The following BRD10 variants were observed in gnomAD, a reference collection of about 807,000 sequenced individuals.
The protein encoded by BRD10 is bromodomain containing 10.
the BRD10 span, among the ~76,000 whole-genome samples, chr9:5,973,338 A>G: frequency 6.6e-6 from 1 of 152,050 alleles, no homozygotes; most frequent in Admixed American, 6.5e-5. Flanking sequence ...GTAGTGGTAC[A>G]CGCCTGCAAT....
At chr9:5,923,694 T>C in the BRD10 span, among the ~76,000 whole-genome samples, 2 of 152,326 alleles carry the variant, frequency 1.3e-5, no homozygotes, top group Admixed American at 6.5e-5. Flanking sequence ...TAGGAACATT[T>C]TGATACCATA....
At chr9:6,000,458 T>C in the BRD10 span, among the ~76,000 whole-genome samples, 3 of 152,156 alleles carry the variant, frequency 2.0e-5, no homozygotes, top group African/African-American at 7.2e-5. Flanking sequence ...AATAAAACTA[T>C]GAAAGGGATG....
the BRD10 span, among the ~76,000 whole-genome samples, chr9:6,003,100 C>G: frequency 6.6e-6 from 1 of 152,082 alleles, no homozygotes; most frequent in Non-Finnish European, 1.5e-5. Flanking sequence ...CATACATGTA[C>G]CATTTTTTAA....
the BRD10 span, among the ~76,000 whole-genome samples, chr9:5,946,168 T>A: frequency 6.6e-6 from 1 of 152,028 alleles, no homozygotes; most frequent in Admixed American, 6.6e-5. Context: ...ATGCTTTTTA[T>A]CCACAAAAAT....
At chr9:6,007,681 G>C in the BRD10 span, 1 of 1,608,620 alleles carries the variant, frequency 6.2e-7, no homozygotes, top group Non-Finnish European at 8.5e-7. Flanking sequence ...TGAGGTCTGG[G>C]CCGCCGCTGC....
the BRD10 span, among the ~76,000 whole-genome samples, chr9:5,885,700 G>A: frequency 1.3e-5 from 2 of 152,158 alleles, no homozygotes; most frequent in African/African-American, 4.8e-5. Context: ...AATTCTCACA[G>A]CAATTCTGTA....
chr9:5,962,202 A>G, the BRD10 span, among the ~76,000 whole-genome samples: 16 of 151,710 alleles, frequency 1.1e-4, no homozygotes, highest in African/African-American at 3.9e-4. Flanking sequence ...TCAAATAGAC[A>G]CAATAAAAAA....
the BRD10 span, among the ~76,000 whole-genome samples, chr9:5,979,918 G>C: frequency 6.6e-6 from 1 of 150,886 alleles, no homozygotes; most frequent in African/African-American, 2.4e-5. Flanking sequence ...AGGAGGCTGA[G>C]GTGGGAGAAT....
chr9:5,949,506 G>A, the BRD10 span, among the ~76,000 whole-genome samples: 2 of 152,190 alleles, frequency 1.3e-5, no homozygotes, highest in South Asian at 2.1e-4. Flanking sequence ...TCAGAGGTAT[G>A]TTAAGGATCA....
the BRD10 span, chr9:5,954,092 T>A: frequency 6.5e-7 from 1 of 1,535,670 alleles, no homozygotes; most frequent in Non-Finnish European, 8.9e-7. Flanking sequence ...GACGGATTTT[T>A]TTCCTTTCAA....
the BRD10 span, among the ~76,000 whole-genome samples, chr9:5,997,616 T>G: frequency 6.6e-6 from 1 of 152,230 alleles, no homozygotes; most frequent in South Asian, 2.1e-4. Flanking sequence ...AATACACCAA[T>G]AATATATCAT....
the BRD10 span, among the ~76,000 whole-genome samples, chr9:5,988,895 T>C: frequency 6.6e-6 from 1 of 152,028 alleles, no homozygotes; most frequent in Non-Finnish European, 1.5e-5. Flanking sequence ...TACAGAAACA[T>C]TTGGAAAAAG....
the BRD10 span, among the ~76,000 whole-genome samples, chr9:5,973,228 A>G: frequency 6.6e-6 from 1 of 152,244 alleles, no homozygotes; most frequent in South Asian, 2.1e-4. Flanking sequence ...GCACTTTGGG[A>G]GGCCAAGGCA....
At chr9:5,883,647 A>G in the BRD10 span, among the ~76,000 whole-genome samples, 7 of 151,252 alleles carry the variant, frequency 4.6e-5, no homozygotes, top group African/African-American at 1.7e-4. Context: ...ATTTTTTTGT[A>G]CAGACAGGTT....
At chr9:5,890,013 G>C in the BRD10 span, among the ~76,000 whole-genome samples, 9 of 152,112 alleles carry the variant, frequency 5.9e-5, no homozygotes, top group African/African-American at 1.4e-4. Flanking sequence ...GGAGGTTTCA[G>C]GGATTTTTCT....
At chr9:6,000,520 G>C in the BRD10 span, among the ~76,000 whole-genome samples, 1 of 151,724 alleles carries the variant, frequency 6.6e-6, no homozygotes, top group Admixed American at 6.6e-5. Context: ...TGTTCTTCTG[G>C]GAAATAAAAA....
chr9:5,947,721 T>C, the BRD10 span, among the ~76,000 whole-genome samples: 6 of 152,108 alleles, frequency 3.9e-5, no homozygotes, highest in Admixed American at 6.6e-5. Flanking sequence ...ACAACTCTAC[T>C]ACCTCTCTTC....
chr9:5,903,695 A>C, the BRD10 span, among the ~76,000 whole-genome samples: 1 of 152,134 alleles, frequency 6.6e-6, no homozygotes, highest in Admixed American at 6.5e-5. Context: ...AGGTACATGC[A>C]ATGTTAGGTG....
the BRD10 span, among the ~76,000 whole-genome samples, chr9:5,937,662 C>T: frequency 1.3e-5 from 2 of 152,210 alleles, no homozygotes; most frequent in South Asian, 4.1e-4. Context: ...AGCATTAACT[C>T]CCTGCCTGAT....
Sources: gnomAD v4.1 joint callset for allele counts (sites outside exome capture counted in the v4.1 genomes callset) on GRCh38, gnomAD v4.1.1 for gene constraint, MANE v1.5 for transcripts, NCBI Gene and HGNC (gene_info 2026-07-23, HGNC 2026-07-21) for gene names.